ARHGEF12: variants seen among roughly 807,000 people sequenced by gnomAD.
ARHGEF12 encodes the protein Rho guanine nucleotide exchange factor 12, also known as KMT2A/ARHGEF12 fusion protein.
ARHGEF12 carries 66 observed loss-of-function variants against 211.2 expected under a neutral mutation model. That is an observed-to-expected ratio of 0.31 (90% confidence interval 0.26 to 0.38). The LOEUF is 0.38. Ranked by LOEUF, ARHGEF12 falls within the 10% of genes least tolerant of loss-of-function variation. The pLI, the probability that ARHGEF12 is intolerant of heterozygous loss-of-function variation, is 1.00. For missense variants in ARHGEF12, 1,429 were observed against 1,869.5 expected (o/e 0.76, Z 4.34); for synonymous variants, 592 against 638.4 (o/e 0.93, Z 1.09).
intron 34 of ARHGEF12, 132 bp downstream of exon 34, chr11:120,476,880 T>G (rs1242682031): frequency 4.5e-6 from 3 of 672,762 alleles, no homozygotes; most frequent in African/African-American, 1.8e-5. Flanking sequence ...TTAGAGACGT[T>G]CTACTATGAA....
chr11:120,448,638 C>A (rs774797505), intron 20 of ARHGEF12: 12 of 390,586 alleles, frequency 3.1e-5, no homozygotes, highest in Non-Finnish European at 5.0e-5. Flanking sequence ...AAACTAAATA[C>A]CCCCTGTGTT....
rs1315620527 is a variant in ARHGEF12 at position 120,451,738 on chromosome 11, G to T, written c.2056+14G>T. 13 of 1,606,006 alleles carry T rather than the reference G, an allele frequency of 8.1e-6. No homozygotes were observed. In the East Asian group the frequency reaches 2.9e-4, roughly 36 times the overall value. On this transcript the variant is annotated intron_variant, in intron 22 of 40. Transcript: ENST00000397843. The stretch of plus-strand genomic sequence containing the variant: ...AGAATGATACAGGTGAGCTATTACT[G>T]TAGTTCAGCTTAACTAAGCATCAAG...
intron 19 of ARHGEF12, 88 bp from the exon 20 acceptor site, chr11:120,448,146 C>A: frequency 9.9e-7 from 1 of 1,011,766 alleles, no homozygotes; most frequent in Non-Finnish European, 1.5e-6. Context: ...TAATTCCAAC[C>A]TTGGGGTTTT....
intron 22 of ARHGEF12, among the ~76,000 whole-genome samples, chr11:120,452,451 G>A (rs1367573186): frequency 1.3e-5 from 2 of 152,152 alleles, no homozygotes; most frequent in Non-Finnish European, 2.9e-5. Flanking sequence ...TCAAGAATGA[G>A]GCTCTGGGAG....
At chr11:120,403,941 A>G (rs1944617562) in intron 1 of ARHGEF12, among the ~76,000 whole-genome samples, 1 of 152,200 alleles carries the variant, frequency 6.6e-6, no homozygotes, top group Admixed American at 6.5e-5. Flanking sequence ...TGTAGCTTTC[A>G]GACCTGCCTT....
At chr11:120,436,881 C>T (rs538680752) in intron 11 of ARHGEF12, among the ~76,000 whole-genome samples, 164 of 152,124 alleles carry the variant, frequency 1.1e-3, no homozygotes, top group Non-Finnish European at 1.2e-3. Context: ...TCACATGAAG[C>T]GAGTAACAGA....
At chr11:120,376,610 G>A (rs183611477) in intron 1 of ARHGEF12, among the ~76,000 whole-genome samples, 48 of 152,126 alleles carry the variant, frequency 3.2e-4, no homozygotes, top group African/African-American at 1.0e-3. Context: ...GGTAAATGGG[G>A]TATCTATTAC....
chr11:120,425,463 T>A (rs2135699396), intron 7 of ARHGEF12, among the ~76,000 whole-genome samples: 1 of 151,974 alleles, frequency 6.6e-6, no homozygotes, highest in South Asian at 2.1e-4. Context: ...TGTTTTTTGT[T>A]TTTTGTTTTG....
chr11:120,485,002 A>C, intron 40 of ARHGEF12, 65 bp from the exon 41 acceptor site: 2 of 1,519,478 alleles, frequency 1.3e-6, no homozygotes, highest in Non-Finnish European at 9.1e-7. Context: ...TGTCATGGGT[A>C]TTCTTTGCAA....
chr11:120,446,840 A>G (rs1012224731), intron 17 of ARHGEF12, 108 bp from the exon 18 acceptor site: 2 of 1,389,322 alleles, frequency 1.4e-6, no homozygotes, highest in African/African-American at 1.5e-5. Flanking sequence ...GAAAAGTGAC[A>G]TTTTTCCTGT....
rs115071052 is a variant in ARHGEF12 at position 120,488,036 on chromosome 11, A to G, written c.*2959A>G. 1,113 of 221,394 alleles carry G rather than the reference A, an allele frequency of 5.0e-3. 12 individuals are homozygous for G. The highest frequency in any genetic ancestry group is 0.023 in the African/African-American group (1,045 of 44,866). 13.7% of individuals were successfully genotyped at this position (221,394 alleles called of 1,614,324 possible). A position where few individuals can be genotyped will look rare whatever the true frequency, so the allele number is the denominator to read the frequency against. On this transcript the variant is annotated 3_prime_UTR_variant, in exon 41 of 41. Transcript: ENST00000397843. ...TTCTTTTTTCCCACAGCAACTGCCAATGAAGGATGAATCCCCTTTTTAAAA... is the reference window on the plus strand; with the variant it reads ...TTCTTTTTTCCCACAGCAACTGCCAGTGAAGGATGAATCCCCTTTTTAAAA...
chr11:120,350,902 A>G (rs1942915146), intron 1 of ARHGEF12, among the ~76,000 whole-genome samples: 1 of 152,166 alleles, frequency 6.6e-6, no homozygotes. Context: ...AAAATGTGAT[A>G]AATATGATGA....
chr11:120,393,796 A>C (rs1220174029), intron 1 of ARHGEF12, among the ~76,000 whole-genome samples: 1 of 152,182 alleles, frequency 6.6e-6, no homozygotes, highest in Non-Finnish European at 1.5e-5. Context: ...GTACTTAAAC[A>C]ATACTGTTGG....
At chr11:120,376,433 T>C (rs1943725675) in intron 1 of ARHGEF12, among the ~76,000 whole-genome samples, 2 of 152,176 alleles carry the variant, frequency 1.3e-5, no homozygotes, top group African/African-American at 4.8e-5. Context: ...TTCTAGACAC[T>C]GAGACTTATT....
chr11:120,457,079 A>C, intron 22 of ARHGEF12, 39 bp from the exon 23 acceptor site: 2 of 1,579,154 alleles, frequency 1.3e-6, no homozygotes, highest in African/African-American at 2.7e-5. Flanking sequence ...GACTTTATTA[A>C]GTATTAACAC....
chr11:120,457,650 G>T, intron 23 of ARHGEF12, 71 bp from the exon 24 acceptor site: 1 of 1,166,304 alleles, frequency 8.6e-7, no homozygotes, highest in South Asian at 1.8e-5. Context: ...ACCTAGCTTT[G>T]AGTATCTTTG....
At position 120,488,617 on chromosome 11, in the gene ARHGEF12, C is replaced by G. The variant is rs1184464195; in HGVS notation, c.*3540C>G. Reference sequence around the variant, plus strand: ...AAGTACCTCCTAGAAGGAAGCCTTCCCCACCATTTCCAGGTGCCAACTGCT... The same window carrying G: ...AAGTACCTCCTAGAAGGAAGCCTTCGCCACCATTTCCAGGTGCCAACTGCT... On this transcript the variant is annotated 3_prime_UTR_variant, in exon 41 of 41. Transcript: ENST00000397843. 9.1e-6 allele frequency: 2 copies of G among 220,106 alleles called. No individual in the cohort carries two copies. Among genetic ancestry groups the G allele is most frequent in the Non-Finnish European group, 1.8e-5 (2 of 109,578 alleles). The allele number at this position is 220,106 out of a possible 1,614,324, so 13.6% of individuals were successfully genotyped here.
intron 1 of ARHGEF12, among the ~76,000 whole-genome samples, chr11:120,388,405 A>G (rs1944105084): frequency 6.6e-6 from 1 of 152,156 alleles, no homozygotes; most frequent in Admixed American, 6.6e-5. Context: ...GTTTTAGACT[A>G]TTAGGAATAA....
intron 4 of ARHGEF12, among the ~76,000 whole-genome samples, chr11:120,414,251 A>G (rs547648757): frequency 6.6e-6 from 1 of 152,204 alleles, no homozygotes; most frequent in Non-Finnish European, 1.5e-5. Flanking sequence ...AGAGACAGGA[A>G]ATAAAGTTTG....
Sources: allele counts gnomAD v4.1 joint callset (sites outside exome capture counted in the v4.1 genomes callset), GRCh38; gene constraint gnomAD v4.1.1; transcripts MANE v1.5; gene names NCBI Gene and HGNC (gene_info 2026-07-23, HGNC 2026-07-21).